Variants in DDR2 observed in about 807,000 individuals in gnomAD.
DDR2 encodes the protein discoidin domain receptor tyrosine kinase 2.
Under a neutral mutation model 94.9 loss-of-function variants are expected in DDR2, and 27 were observed. The observed-to-expected ratio is 0.28, with a 90% CI of 0.21 to 0.39. The LOEUF (loss-of-function observed/expected upper bound fraction) is 0.39, where lower values mean the gene tolerates loss of function less well. DDR2 is among the 10% of genes least tolerant of loss of function. The probability of loss-of-function intolerance (pLI) is 1.00; values close to 1 mark genes in which losing one functional copy is unlikely to be tolerated. For synonymous variants in DDR2, 382 were observed against 377.2 expected (o/e 1.01, Z -0.15); for missense variants, 783 against 1,076.0 (o/e 0.73, Z 3.81).
chr1:162,761,554 G>A (rs1366779327), intron 9 of DDR2, 100 bp downstream of exon 9: 4 of 1,574,148 alleles, frequency 2.5e-6, no homozygotes, highest in Non-Finnish European at 3.5e-6. Context: ...AGAGGAGTGG[G>A]ATTGTACAGG....
intron 3 of DDR2, among the ~76,000 whole-genome samples, chr1:162,736,392 C>T (rs1009608848): frequency 4.6e-5 from 7 of 152,120 alleles, no homozygotes; most frequent in Non-Finnish European, 1.0e-4. Flanking sequence ...GGAGTGGATG[C>T]GAAGTCTTGA....
intron 2 of DDR2, among the ~76,000 whole-genome samples, chr1:162,684,971 G>T (rs1027971600): frequency 2.6e-5 from 4 of 152,114 alleles, no homozygotes; most frequent in Non-Finnish European, 5.9e-5. Context: ...ACTCAAACTT[G>T]AATTGGGACA....
chr1:162,684,045 T>G (rs1659542384), intron 2 of DDR2, among the ~76,000 whole-genome samples: 2 of 152,128 alleles, frequency 1.3e-5, no homozygotes, highest in Admixed American at 1.3e-4. Flanking sequence ...CAGACATAGA[T>G]CAAAGGAATG....
Position 162,766,071 on chromosome 1 carries a change from T to A in DDR2, c.1162+8T>A, listed in dbSNP as rs756536514. The A allele has an allele frequency of 1.2e-6, 2 of 1,613,770 alleles. No homozygotes were observed. Among genetic ancestry groups the A allele is most frequent in the Non-Finnish European group, 8.5e-7 (1 of 1,179,800 alleles). On this transcript the variant is annotated splice_region_variant and intron_variant, in intron 10 of 17. Transcript: ENST00000367921. ...TGGCACCCACAACCTATGGTATATG[T>A]GATTCCTAATTACACAAATTAATTT...
intron 3 of DDR2, among the ~76,000 whole-genome samples, chr1:162,748,369 G>A (rs1438537724): frequency 6.6e-6 from 1 of 152,190 alleles, no homozygotes; most frequent in Non-Finnish European, 1.5e-5. Context: ...TGATAAAACA[G>A]ACTTTAAACC....
At chr1:162,681,067 G>C (rs1659375653) in intron 2 of DDR2, among the ~76,000 whole-genome samples, 2 of 152,144 alleles carry the variant, frequency 1.3e-5, no homozygotes, top group African/African-American at 4.8e-5. Flanking sequence ...ATTGAAACCA[G>C]ACTTTAAGCC....
chr1:162,728,024 A>ACTATATATAT (rs1172368344), intron 3 of DDR2, among the ~76,000 whole-genome samples: 2 of 140,114 alleles, frequency 1.4e-5, no homozygotes, highest in East Asian at 2.0e-4. Flanking sequence ...ATATAATCAC[A>ACTATATATAT]CTATATATAT....
intron 3 of DDR2, among the ~76,000 whole-genome samples, chr1:162,740,336 A>G (rs1226315678): frequency 3.9e-5 from 6 of 152,224 alleles, no homozygotes; most frequent in African/African-American, 1.4e-4. Flanking sequence ...CAAGTTCATT[A>G]CATTGGAAAA....
intron 2 of DDR2, among the ~76,000 whole-genome samples, chr1:162,692,101 C>T (rs866435023): frequency 6.6e-6 from 1 of 152,212 alleles, no homozygotes; most frequent in Non-Finnish European, 1.5e-5. Flanking sequence ...CCCACATTTA[C>T]TGACACAAAC....
At chr1:162,656,867 G>A (rs529589648) in intron 2 of DDR2, among the ~76,000 whole-genome samples, 3 of 17,260 alleles carry the variant, frequency 1.7e-4, no homozygotes, top group East Asian at 2.0e-3. Flanking sequence ...TTGTTAACAG[G>A]GTTTTGCTCT....
rs142036348 is a variant in DDR2, at chr1:162,752,703, G to A, written c.83-392G>A. Among the ~76,000 whole-genome samples the A allele has an allele frequency of 5.4e-3, 830 of 152,306 alleles. 7 individuals are homozygous for A. Among genetic ancestry groups the A allele is most frequent in the African/African-American group, 0.019 (775 of 41,548 alleles). ...AAATAATTCTTTGGGTCATAAAGGC[G>A]CCTGGTGATTATGAGGGTTCCTCAC... On this transcript the variant is annotated intron_variant, in intron 3 of 17. Transcript: ENST00000367921.
chr1:162,711,483 G>A (rs1329770173), intron 2 of DDR2, among the ~76,000 whole-genome samples: 1 of 152,176 alleles, frequency 6.6e-6, no homozygotes, highest in East Asian at 1.9e-4. Flanking sequence ...TATACCCCTA[G>A]TTCTGCTTCA....
At chr1:162,760,912 T>C (rs1037863598) in intron 8 of DDR2, among the ~76,000 whole-genome samples, 5 of 151,494 alleles carry the variant, frequency 3.3e-5, no homozygotes, top group Non-Finnish European at 5.9e-5. Context: ...TCTATACACA[T>C]AGATACATAC....
At chr1:162,710,764 GCACA>G (rs113812328) in intron 2 of DDR2, among the ~76,000 whole-genome samples, 25 of 148,144 alleles carry the variant, frequency 1.7e-4, no homozygotes, top group African/African-American at 5.2e-4. Context: ...ACACAGTCAT[GCACA>G]CACACACACA....
intron 2 of DDR2, among the ~76,000 whole-genome samples, chr1:162,656,771 G>A (rs143315555): frequency 1.3e-4 from 18 of 138,276 alleles, no homozygotes; most frequent in Non-Finnish European, 1.4e-4. Flanking sequence ...ATTTATCTAT[G>A]ATTTGTTCCG....
In DDR2 at chr1:162,741,182, T is replaced by C. The variant is rs371737600; in HGVS notation, c.83-11913T>C. On this transcript the variant is annotated intron_variant, in intron 3 of 17. Transcript: ENST00000367921. ...TGGAATATAATATAATATAATATAA[T>C]ATAACATAACATAATACAATACAAT... 3.7e-3 allele frequency among the ~76,000 whole-genome samples: 384 copies of C among 103,658 alleles called. 5 individuals are homozygous for C. Among genetic ancestry groups the C allele is most frequent in the African/African-American group, 0.013 (350 of 27,942 alleles). 68.0% of individuals were successfully genotyped at this position (103,658 alleles called of 152,430 possible).
intron 2 of DDR2, chr1:162,705,040 T>C (rs1660599608): frequency 6.6e-6 from 1 of 152,284 alleles, no homozygotes; most frequent in African/African-American, 2.4e-5. Context: ...TGTTTGCTGT[T>C]CTGCTTTGCA....
rs1558080298 is a variant in DDR2, at chr1:162,774,818, G to A, written c.1857-834G>A. On this transcript the variant is annotated intron_variant, in intron 14 of 17. Coordinates refer to ENST00000367921, the MANE Select transcript of DDR2 (RefSeq NM_006182.4). Reference sequence around the variant, plus strand: ...AACCCCTGGTTTGAGACGGAAGGGGGAATGAAAGAGGGGAGGTGTTGCATC... The same window carrying A: ...AACCCCTGGTTTGAGACGGAAGGGGAAATGAAAGAGGGGAGGTGTTGCATC... 2.0e-5 allele frequency among the ~76,000 whole-genome samples: 3 copies of A among 152,140 alleles called. No homozygotes were observed. In the South Asian group the frequency reaches 6.2e-4, roughly 32 times the overall value.
At position 162,773,622 on chromosome 1, in the gene DDR2, C is replaced by T. The variant is rs200343468; in HGVS notation, c.1856+26C>T. ...GTCTGTGGTCTACATTTTGAATTTT[C>T]CTTTAGGTATTTCATCTTTAGGACC... On this transcript the variant is annotated intron_variant, in intron 14 of 17. Transcript: ENST00000367921. The T allele has an allele frequency of 1.0e-4, 167 of 1,613,348 alleles. 1 individual carries two copies. The African/African-American group carries it at 1.9e-3, about 18-fold the overall frequency.
Sources: allele counts gnomAD v4.1 joint callset (sites outside exome capture counted in the v4.1 genomes callset), GRCh38; gene constraint gnomAD v4.1.1; transcripts MANE v1.5; gene names NCBI Gene and HGNC (gene_info 2026-07-23, HGNC 2026-07-21).